Variants in TPO observed in about 807,000 individuals in gnomAD.
TPO encodes the protein thyroid microsomal antigen.
TPO carries 78 observed loss-of-function variants against 96.9 expected under a neutral mutation model. That is an observed-to-expected ratio of 0.81 (90% confidence interval 0.67 to 0.97). The LOEUF (loss-of-function observed/expected upper bound fraction) is 0.97, where lower values mean the gene tolerates loss of function less well. TPO is among the 50% of genes least tolerant of loss of function. The probability of loss-of-function intolerance (pLI) is 0.00; values close to 1 mark genes in which losing one functional copy is unlikely to be tolerated. For missense variants in TPO, 1,252 were observed against 1,274.8 expected (o/e 0.98, Z 0.27); for synonymous variants, 547 against 538.0 (o/e 1.02, Z -0.23).
intron 9 of TPO, among the ~76,000 whole-genome samples, chr2:1,487,497 G>A (rs1044380225): frequency 3.9e-5 from 6 of 152,170 alleles, no homozygotes; most frequent in Non-Finnish European, 8.8e-5. Flanking sequence ...CACTTTGGGA[G>A]GCCGAGGCAG....
Position 1,496,017 on chromosome 2 carries a change from A to C in TPO, c.2035A>C (p.Thr679Pro), listed in dbSNP as rs1351040653. The C allele has an allele frequency of 6.2e-7, 1 of 1,613,290 alleles. No homozygotes were observed. Among genetic ancestry groups the C allele is most frequent in the East Asian group, 2.2e-5 (1 of 44,868 alleles). ...TTGGTGGGAGAACAGCCACGTCTTC[A>C]CGGATGCACAGAGGCGTGAGCTGGA... ...WFWWENSHVFTDAQRRELEKH... is the reference protein window; with the variant it reads ...WFWWENSHVFPDAQRRELEKH... Residue 679 changes from threonine to proline, a missense_variant, in exon 12 of 17, where the codon ACG becomes CCG. Transcript: ENST00000329066.
chr2:1,384,216 T>C (rs1484160280), intron 1 of TPO, among the ~76,000 whole-genome samples: 2 of 152,168 alleles, frequency 1.3e-5, no homozygotes, highest in Non-Finnish European at 2.9e-5. Flanking sequence ...TTTGGTTCCA[T>C]ATGAACTGTA....
At chr2:1,412,445 TCTC>T (rs961691971), upstream of TPO, among the ~76,000 whole-genome samples, 34 of 152,306 alleles carry the variant, frequency 2.2e-4, no homozygotes, top group Admixed American at 8.5e-4. Context: ...TGTTGGCTGA[TCTC>T]CTCCCTGCTC....
chr2:1,524,271 T>TGTGTGCAACCTCCTCAAATCC (rs1675903666), intron 15 of TPO, among the ~76,000 whole-genome samples: 2 of 55,352 alleles, frequency 3.6e-5, no homozygotes, highest in African/African-American at 7.8e-5. Context: ...TCCTCAAATC[T>TGTGTGCAACCTCCTCAAATCC]CCTCACAGTG....
In TPO at chr2:1,542,525, G is replaced by A. The variant is rs369317717; in HGVS notation, c.*51G>A. On this transcript the variant is annotated 3_prime_UTR_variant, in exon 17 of 17. Coordinates refer to ENST00000329066, the MANE Select transcript of TPO (RefSeq NM_001206744.2). ...ACAGCTTCATGTTCCCAAAATCACC[G>A]TACGACTCTTTTCCAAACACAGGCA... 6.2e-5 allele frequency: 100 copies of A among 1,611,338 alleles called. No individual in the cohort carries two copies. In the Middle Eastern group the frequency reaches 6.6e-4, roughly 11 times the overall value.
intron 10 of TPO, among the ~76,000 whole-genome samples, chr2:1,492,834 G>C (rs28911493): frequency 0.055 from 8,313 of 152,250 alleles, 322 homozygotes; most frequent in South Asian, 0.13. Context: ...TGGATGAGTA[G>C]AGACAGTAGC....
chr2:1,525,976 C>A (rs79707693), intron 15 of TPO, among the ~76,000 whole-genome samples: 1 of 124,134 alleles, frequency 8.1e-6, no homozygotes, highest in Non-Finnish European at 1.7e-5. Flanking sequence ...CAAATCTCCC[C>A]ACTGTGAGCA....
chr2:1,542,409 G>A lies in TPO; in HGVS notation c.2749-12G>A, dbSNP rs1232922129. 1 of 1,614,124 alleles carries A rather than the reference G, an allele frequency of 6.2e-7. No homozygotes were observed. On this transcript the variant is annotated splice_polypyrimidine_tract_variant and intron_variant, in intron 16 of 16. Transcript: ENST00000329066. ...TTCAGACGTTATTAATGTTTGTTCT[G>A]CATTTTTGCAGGAGAGTGCTGGGAT...
At position 1,528,345 on chromosome 2, in the gene TPO, C is replaced by T. The variant is rs574983517; in HGVS notation, c.2618+11363C>T. ...CACAAATCCTCCCAAGTCTGCAACC[C>T]CCCAAGTCCCCCCATTGTGAGCAAC... On this transcript the variant is annotated intron_variant, in intron 15 of 16. Transcript: ENST00000329066. 5.7e-5 allele frequency among the ~76,000 whole-genome samples: 8 copies of T among 139,834 alleles called. No individual in the cohort carries two copies. In the South Asian group the frequency reaches 2.0e-3, roughly 34 times the overall value. The allele number at this position is 139,834 out of a possible 152,430, so 91.7% of individuals were successfully genotyped here. A position where few individuals can be genotyped will look rare whatever the true frequency, so the allele number is the denominator to read the frequency against.
At chr2:1,391,959 G>A (rs370070356) in intron 1 of TPO, among the ~76,000 whole-genome samples, 3,587 of 152,136 alleles carry the variant, frequency 0.024, 86 homozygotes, top group South Asian at 0.13. Context: ...TGTCATCTGC[G>A]AACAGGGACA....
intron 8 of TPO, among the ~76,000 whole-genome samples, chr2:1,483,732 C>T (rs1670857966): frequency 1.3e-5 from 2 of 152,190 alleles, no homozygotes; most frequent in Admixed American, 6.5e-5. Context: ...CTGTCCAGGT[C>T]TCCGAGGTGG....
At chr2:1,436,482 G>C in intron 5 of TPO, 98 bp downstream of exon 5, 1 of 1,544,908 alleles carries the variant, frequency 6.5e-7, no homozygotes, top group Non-Finnish European at 8.8e-7. Context: ...TGGTGGATCT[G>C]TATCCACCCC....
chr2:1,440,341 T>A (rs1666044081), intron 5 of TPO, among the ~76,000 whole-genome samples: 2 of 152,190 alleles, frequency 1.3e-5, no homozygotes, highest in African/African-American at 4.8e-5. Flanking sequence ...CTTTATGGTG[T>A]GATGTCTGCA....
chr2:1,456,319 A>G, intron 7 of TPO, 37 bp downstream of exon 7: 1 of 1,602,548 alleles, frequency 6.2e-7, no homozygotes. Flanking sequence ...TTGTTATGAA[A>G]CTAAGTGCTA....
intron 1 of TPO, among the ~76,000 whole-genome samples, chr2:1,387,445 C>T (rs992473757): frequency 1.4e-4 from 21 of 152,132 alleles, no homozygotes; most frequent in African/African-American, 5.1e-4. Flanking sequence ...TCTCTTCTCA[C>T]TTCACTTCAT....
intron 1 of TPO, among the ~76,000 whole-genome samples, chr2:1,379,185 G>A (rs11678968): frequency 0.24 from 36,421 of 151,940 alleles, 8,735 homozygotes; most frequent in African/African-American, 0.62. Context: ...CACGCATGTA[G>A]TCCCAGCTAC....
intron 7 of TPO, 37 bp from the exon 8 acceptor site, chr2:1,477,049 G>T: frequency 1.3e-6 from 2 of 1,589,394 alleles, no homozygotes; most frequent in South Asian, 1.1e-5. Flanking sequence ...GGGTGCACGG[G>T]GGCCCTGGGT....
intron 10 of TPO, among the ~76,000 whole-genome samples, chr2:1,489,231 GCCCAGCACATGCCTAGCACATA>G (rs1157220988): frequency 7.0e-6 from 1 of 142,656 alleles, no homozygotes; most frequent in South Asian, 2.3e-4. Flanking sequence ...GCCTGCACAT[GCCCAGCACATGCCTAGCACATA>G]CCCAGCACAC....
intron 13 of TPO, among the ~76,000 whole-genome samples, chr2:1,499,713 T>C (rs1180885662): frequency 6.6e-6 from 1 of 152,172 alleles, no homozygotes. Flanking sequence ...ACTGTGTATA[T>C]GAAGGTCTGA....
Sources: gnomAD v4.1 joint callset for allele counts (sites outside exome capture counted in the v4.1 genomes callset) on GRCh38, gnomAD v4.1.1 for gene constraint, MANE v1.5 for transcripts, NCBI Gene and HGNC (gene_info 2026-07-23, HGNC 2026-07-21) for gene names.